EXT1: variants seen among roughly 807,000 people sequenced by gnomAD.
EXT1 encodes the protein exostosin glycosyltransferase 1, also known as exostosin-1.
EXT1 carries 20 observed loss-of-function variants against 82.5 expected under a neutral mutation model. The observed-to-expected ratio is 0.24, with a 90% CI of 0.17 to 0.35. The LOEUF is 0.35. Among genes scored for constraint, EXT1 ranks in the 10% least tolerant of loss-of-function variants. The pLI, the probability that EXT1 is intolerant of heterozygous loss-of-function variation, is 1.00. For synonymous variants in EXT1, 348 were observed against 350.8 expected, an observed-to-expected ratio of 0.99 and a Z score of 0.09; for missense variants, 757 against 936.5, an observed-to-expected ratio of 0.81 and a Z score of 2.50.
intron 1 of EXT1, among the ~76,000 whole-genome samples, chr8:118,049,637 TAAGTC>T (rs1446999902): frequency 6.6e-6 from 1 of 152,234 alleles, no homozygotes; most frequent in Non-Finnish European, 1.5e-5. Flanking sequence ...ATGTGTAACT[TAAGTC>T]AGAAAGAAGG....
Position 117,885,279 on chromosome 8 carries a change from T to C in EXT1, c.963-48078A>G, listed in dbSNP as rs17475176. On this transcript the variant is annotated intron_variant, in intron 1 of 10. Coordinates refer to ENST00000378204, the MANE Select transcript of EXT1 (RefSeq NM_000127.3). ...ATTCCTTCCAAGTGCCATGTATACA[T>C]GTGAAAGTAAATATTTTAAGTAAAT... Among the ~76,000 whole-genome samples the C allele has an allele frequency of 2.6e-3, 399 of 152,304 alleles. 2 individuals carry two copies. The highest frequency in any genetic ancestry group is 9.3e-3 in the African/African-American group (387 of 41,566).
chr8:117,991,132 A>G (rs1586329180), intron 1 of EXT1, among the ~76,000 whole-genome samples: 1 of 149,702 alleles, frequency 6.7e-6, no homozygotes, highest in Admixed American at 6.7e-5. Flanking sequence ...TTTTAGATGG[A>G]CCCTCGCTCT....
intron 1 of EXT1, among the ~76,000 whole-genome samples, chr8:118,068,887 ACTG>A (rs1235578348): frequency 6.6e-6 from 1 of 152,126 alleles, no homozygotes; most frequent in African/African-American, 2.4e-5. Context: ...CTGTTGTGTT[ACTG>A]CTGTTATTTA....
chr8:117,927,524 G>A (rs970894102), intron 1 of EXT1, among the ~76,000 whole-genome samples: 5 of 151,934 alleles, frequency 3.3e-5, no homozygotes, highest in African/African-American at 1.2e-4. Flanking sequence ...TCACAAATTA[G>A]GTAAGCTGTA....
chr8:117,833,354 C>T (rs76238589), intron 3 of EXT1, among the ~76,000 whole-genome samples: 12 of 152,174 alleles, frequency 7.9e-5, no homozygotes, highest in East Asian at 3.9e-4. Context: ...CGCTGGCTCA[C>T]GCCTGTAATC....
At chr8:117,801,506 T>A (rs927006100) in intron 10 of EXT1, among the ~76,000 whole-genome samples, 1 of 151,882 alleles carries the variant, frequency 6.6e-6, no homozygotes, top group Non-Finnish European at 1.5e-5. Flanking sequence ...TGTGGGCCAT[T>A]TTTTTTTCTT....
chr8:117,821,686 C>T (rs913199745), intron 5 of EXT1, among the ~76,000 whole-genome samples: 1 of 152,158 alleles, frequency 6.6e-6, no homozygotes, highest in African/African-American at 2.4e-5. Context: ...AGAACAACGG[C>T]ACTGAATGGA....
In EXT1 at chr8:117,934,701, G is replaced by A. The variant is rs17504687; in HGVS notation, c.963-97500C>T. On this transcript the variant is annotated intron_variant, in intron 1 of 10. Transcript: ENST00000378204. ...GCCAGCTGGGTGCGCAAAGAACCCA[G>A]AACTGTTTCACACCTCAGGCTCCTT... Among the ~76,000 whole-genome samples, 1,349 of 152,338 alleles carry A rather than the reference G, an allele frequency of 8.9e-3. 25 individuals carry two copies. The highest frequency in any genetic ancestry group is 0.031 in the African/African-American group (1,280 of 41,580).
At chr8:117,859,586 G>C (rs1449349246) in intron 1 of EXT1, among the ~76,000 whole-genome samples, 1 of 152,022 alleles carries the variant, frequency 6.6e-6, no homozygotes, top group Non-Finnish European at 1.5e-5. Flanking sequence ...ATTGCTTCTG[G>C]GTTTTTCTAT....
chr8:118,104,852 G>A lies in EXT1; in HGVS notation c.962+5233C>T, dbSNP rs545687490. On this transcript the variant is annotated intron_variant, in intron 1 of 10. Transcript: ENST00000378204. ...AGCTTCTGTGTTCATGTTTGAACAT[G>A]AAACATGTCCAGAAGCCTGCAGAAG... Among the ~76,000 whole-genome samples, 14 of 152,284 alleles carry A rather than the reference G, an allele frequency of 9.2e-5. No homozygotes were observed. In the South Asian group the frequency reaches 2.9e-3, roughly 32 times the overall value.
intron 1 of EXT1, among the ~76,000 whole-genome samples, chr8:117,959,064 G>A (rs1346561487): frequency 6.6e-6 from 1 of 152,196 alleles, no homozygotes; most frequent in Non-Finnish European, 1.5e-5. Context: ...GAACTCCTAG[G>A]AGGTCCAACT....
Position 117,796,999 on chromosome 8 carries a change from T to C in EXT1, c.*2713A>G, listed in dbSNP as rs1015634791. ...TTTCTGCAAGCAATTCATTACGTGGTTGGCACTGTACTCTCAGCCCTTGGC... is the reference window on the plus strand; with the variant it reads ...TTTCTGCAAGCAATTCATTACGTGGCTGGCACTGTACTCTCAGCCCTTGGC... On this transcript the variant is annotated 3_prime_UTR_variant, in exon 11 of 11. Transcript: ENST00000378204. 2.3e-4 allele frequency: 35 copies of C among 152,358 alleles called. No homozygotes were observed. Among genetic ancestry groups the C allele is most frequent in the African/African-American group, 8.4e-4 (35 of 41,576 alleles). 9.4% of individuals were successfully genotyped at this position (152,358 alleles called of 1,614,324 possible).
chr8:117,943,970 G>C (rs929860616), intron 1 of EXT1, among the ~76,000 whole-genome samples: 28 of 152,134 alleles, frequency 1.8e-4, no homozygotes, highest in African/African-American at 6.0e-4. Context: ...TGCGCCATAG[G>C]CTGTTATCTG....
chr8:117,832,265 C>G (rs1277555868), intron 3 of EXT1, among the ~76,000 whole-genome samples: 4 of 152,178 alleles, frequency 2.6e-5, no homozygotes, highest in Non-Finnish European at 4.4e-5. Flanking sequence ...GGTGGCTCAG[C>G]CTGTAATCCC....
At chr8:117,909,773 T>A (rs4876770) in intron 1 of EXT1, among the ~76,000 whole-genome samples, 79,835 of 150,834 alleles carry the variant, frequency 0.53, 21,246 homozygotes, top group Middle Eastern at 0.64. Flanking sequence ...AATTTTTTTT[T>A]ATTTTTATTT....
chr8:118,032,738 G>T (rs992880024), intron 1 of EXT1, among the ~76,000 whole-genome samples: 1 of 151,898 alleles, frequency 6.6e-6, no homozygotes, highest in African/African-American at 2.4e-5. Flanking sequence ...TCGAACTCCC[G>T]ACCTCAGGTG....
At chr8:117,942,720 G>A (rs929584089) in intron 1 of EXT1, among the ~76,000 whole-genome samples, 20 of 152,010 alleles carry the variant, frequency 1.3e-4, no homozygotes, top group South Asian at 2.1e-4. Flanking sequence ...TCCAAAAAAC[G>A]AAAGAAAAAG....
At chr8:117,852,628 T>C (rs114347569) in intron 1 of EXT1, among the ~76,000 whole-genome samples, 230 of 152,318 alleles carry the variant, frequency 1.5e-3, no homozygotes, top group African/African-American at 4.8e-3. Flanking sequence ...AGTTCCCTAA[T>C]AAGCTTGTGG....
At chr8:117,856,411 C>T (rs940275009) in intron 1 of EXT1, among the ~76,000 whole-genome samples, 43 of 147,490 alleles carry the variant, frequency 2.9e-4, no homozygotes, top group East Asian at 4.0e-4. Flanking sequence ...CCAGCCACCA[C>T]GCCTGGCTAA....
Sources: allele counts gnomAD v4.1 joint callset (sites outside exome capture counted in the v4.1 genomes callset), GRCh38; gene constraint gnomAD v4.1.1; transcripts MANE v1.5; gene names NCBI Gene and HGNC (gene_info 2026-07-23, HGNC 2026-07-21).